Variants in RBFOX1 observed in about 807,000 individuals in gnomAD.
The protein encoded by RBFOX1 is RNA binding fox-1 homolog 1.
Under a neutral mutation model 57.7 loss-of-function variants are expected in RBFOX1, and 8 were observed. The ratio of observed to expected loss-of-function variants is 0.14; its 90% CI spans 0.08 to 0.25. RBFOX1 has a LOEUF of 0.25. Ranked by LOEUF, RBFOX1 falls within the 10% of genes least tolerant of loss-of-function variation. RBFOX1 has a pLI of 1.00. For synonymous variants in RBFOX1, 326 were observed against 222.4 expected, an observed-to-expected ratio of 1.47 and a Z score of -4.15; for missense variants, 611 against 548.5, an observed-to-expected ratio of 1.11 and a Z score of -1.14.
chr16:6,134,495 T>C (rs2096651857), intron 1 of RBFOX1, among the ~76,000 whole-genome samples: 1 of 152,188 alleles, frequency 6.6e-6, no homozygotes. Flanking sequence ...ATAGTAAATC[T>C]GCCTGATCCT....
chr16:6,915,088 C>A (rs1463355000), intron 3 of RBFOX1, among the ~76,000 whole-genome samples: 4 of 152,192 alleles, frequency 2.6e-5, no homozygotes, highest in Admixed American at 1.3e-4. Flanking sequence ...GTGTGAACTG[C>A]ACACTGAGAA....
intron 3 of RBFOX1, among the ~76,000 whole-genome samples, chr16:6,703,692 G>A (rs933741852): frequency 5.3e-5 from 8 of 151,990 alleles, no homozygotes; most frequent in African/African-American, 1.9e-4. Flanking sequence ...GGATGACACA[G>A]TTAGACCCAG....
At chr16:6,997,471 A>AT (rs778313535) in intron 3 of RBFOX1, among the ~76,000 whole-genome samples, 2 of 152,154 alleles carry the variant, frequency 1.3e-5, no homozygotes, top group Non-Finnish European at 2.9e-5. Context: ...ATAAACTTTA[A>AT]GTTAATGTTA....
At chr16:5,457,949 C>T (rs1349529574) in intron 1 of RBFOX1, among the ~76,000 whole-genome samples, 1 of 152,144 alleles carries the variant, frequency 6.6e-6, no homozygotes, top group Non-Finnish European at 1.5e-5. Context: ...GCCAAGCCCA[C>T]TCACAAGATG....
intron 1 of RBFOX1, among the ~76,000 whole-genome samples, chr16:5,432,015 T>C (rs1196083769): frequency 6.6e-6 from 1 of 151,746 alleles, no homozygotes; most frequent in Non-Finnish European, 1.5e-5. Context: ...GAGAAGGAGG[T>C]AAATTGTGGC....
At chr16:6,708,429 A>G (rs892398571) in intron 3 of RBFOX1, among the ~76,000 whole-genome samples, 1 of 152,120 alleles carries the variant, frequency 6.6e-6, no homozygotes, top group African/African-American at 2.4e-5. Flanking sequence ...AGGATTTTGT[A>G]CCTGTCATTT....
chr16:7,332,466 A>T (rs1200062892), intron 4 of RBFOX1, among the ~76,000 whole-genome samples: 2 of 152,170 alleles, frequency 1.3e-5, no homozygotes, highest in Non-Finnish European at 2.9e-5. Flanking sequence ...TTTTTCTATC[A>T]GTGCCAAACG....
At chr16:6,247,226 C>G (rs547688503) in intron 1 of RBFOX1, among the ~76,000 whole-genome samples, 4 of 152,254 alleles carry the variant, frequency 2.6e-5, no homozygotes, top group Admixed American at 1.3e-4. Context: ...ACTTTCTTCC[C>G]CTTGTCTCCC....
chr16:7,315,710 C>A (rs2096422977), intron 4 of RBFOX1, among the ~76,000 whole-genome samples: 1 of 151,880 alleles, frequency 6.6e-6, no homozygotes, highest in Non-Finnish European at 1.5e-5. Flanking sequence ...TATGATACAG[C>A]ATTTTGGACT....
intron 3 of RBFOX1, among the ~76,000 whole-genome samples, chr16:6,937,108 A>T (rs897923878): frequency 6.6e-6 from 1 of 152,066 alleles, no homozygotes; most frequent in East Asian, 1.9e-4. Flanking sequence ...AAAAATAAAT[A>T]AAAAAAGATC....
At chr16:6,610,357 T>C (rs529347081) in intron 2 of RBFOX1, among the ~76,000 whole-genome samples, 1 of 152,238 alleles carries the variant, frequency 6.6e-6, no homozygotes, top group South Asian at 2.1e-4. Context: ...AGACAGAGTA[T>C]CCCACTATCA....
intron 4 of RBFOX1, among the ~76,000 whole-genome samples, chr16:5,966,050 G>T (rs2059837648): frequency 6.6e-6 from 1 of 152,066 alleles, no homozygotes; most frequent in Non-Finnish European, 1.5e-5. Context: ...TTTTTCGTCT[G>T]TGCTTTCTCC....
chr16:6,389,270 G>A (rs1020921010), intron 2 of RBFOX1, among the ~76,000 whole-genome samples: 4 of 152,182 alleles, frequency 2.6e-5, no homozygotes, highest in Non-Finnish European at 5.9e-5. Flanking sequence ...ATAATGAAAC[G>A]ACATGCACAG....
At chr16:7,630,805 G>A (rs556656014) in intron 11 of RBFOX1, 122 bp downstream of exon 11, 8 of 1,483,866 alleles carry the variant, frequency 5.4e-6, no homozygotes, top group Admixed American at 5.1e-5. Context: ...TCTCTCTGAG[G>A]TGAAGTTAAT....
chr16:7,448,829 G>A (rs556808404), intron 4 of RBFOX1, among the ~76,000 whole-genome samples: 1 of 151,828 alleles, frequency 6.6e-6, no homozygotes, highest in African/African-American at 2.4e-5. Flanking sequence ...TTGGATTTAG[G>A]GCCCACTTTA....
At chr16:6,806,735 G>GT in intron 3 of RBFOX1, among the ~76,000 whole-genome samples, 1 of 142,196 alleles carries the variant, frequency 7.0e-6, no homozygotes, top group African/African-American at 2.6e-5. Context: ...GCATCTTTCT[G>GT]TTTTTTCTCC....
intron 3 of RBFOX1, among the ~76,000 whole-genome samples, chr16:6,756,686 T>C (rs1376368420): frequency 1.3e-5 from 2 of 152,118 alleles, no homozygotes; most frequent in Admixed American, 6.5e-5. Flanking sequence ...AAAGAAGATA[T>C]ACAGGCCGGG....
intron 10 of RBFOX1, among the ~76,000 whole-genome samples, chr16:7,618,055 G>C (rs897723863): frequency 6.6e-6 from 1 of 152,006 alleles, no homozygotes; most frequent in Non-Finnish European, 1.5e-5. Flanking sequence ...CTACTGATGG[G>C]AATTTCTGAG....
intron 3 of RBFOX1, among the ~76,000 whole-genome samples, chr16:7,023,564 T>TAAAAAAAAAAAAAAAAAAAAAAAAAAAA (rs34056673): frequency 2.3e-5 from 1 of 43,928 alleles, no homozygotes; most frequent in African/African-American, 8.9e-5. Context: ...TCGTCTGTAC[T>TAAAAAAAAAAAAAAAAAAAAAAAAAAAA]AAAAAAAAAA....
Sources: allele counts gnomAD v4.1 joint callset (sites outside exome capture counted in the v4.1 genomes callset), GRCh38; gene constraint gnomAD v4.1.1; transcripts MANE v1.5; gene names NCBI Gene and HGNC (gene_info 2026-07-23, HGNC 2026-07-21).